The following ZSCAN26 variants were observed in gnomAD, a reference collection of about 807,000 sequenced individuals.
ZSCAN26 encodes zinc finger and SCAN domain-containing protein 26.
ZSCAN26 carries 26 observed loss-of-function variants against 23.0 expected under a neutral mutation model. The observed-to-expected ratio is 1.13, with a 90% confidence interval of 0.83 to 1.57. The LOEUF is 1.57. Among genes scored for constraint, ZSCAN26 ranks in the 40% most tolerant of loss-of-function variants. ZSCAN26 has a pLI of 0.00. For missense variants in ZSCAN26, 528 were observed against 568.5 expected (o/e 0.93, Z 0.72); for synonymous variants, 180 against 202.5 (o/e 0.89, Z 0.94).
chr6:28,274,064 C>T (rs1437230837), intron 3 of ZSCAN26, among the ~76,000 whole-genome samples: 1 of 151,200 alleles, frequency 6.6e-6, no homozygotes, highest in Non-Finnish European at 1.5e-5. Flanking sequence ...CTAATTTTTG[C>T]TCCTTACATT....
At position 28,273,551 on chromosome 6, in the gene ZSCAN26, C is replaced by CA. The variant is rs1220702464; in HGVS notation, c.538+767dup. ...GCAAGACTCTGTCTCAAAAAACAAA[C>CA]AAACAAAAAAAAAAACAAGTACTGC... On this transcript the variant is annotated intron_variant, in intron 3 of 3. Transcript: ENST00000421553. Among the ~76,000 whole-genome samples the CA allele has an allele frequency of 7.2e-3, 994 of 138,366 alleles. 8 individuals carry two copies. The highest frequency in any genetic ancestry group is 0.024 in the African/African-American group (853 of 35,074). The allele number at this position is 138,366 out of a possible 152,430, so 90.8% of individuals were successfully genotyped here. A position where few individuals can be genotyped will look rare whatever the true frequency, so the allele number is the denominator to read the frequency against.
chr6:28,271,766 A>G, intron 1 of ZSCAN26, 88 bp from the exon 2 acceptor site: 1 of 682,888 alleles, frequency 1.5e-6, no homozygotes. Flanking sequence ...AAAATGGATA[A>G]TAGGAAATGT....
rs1762017097 is a variant in ZSCAN26, at chr6:28,277,916, G to A, written c.*820G>A. 6.6e-6 allele frequency: 1 copy of A among 152,218 alleles called. No homozygotes were observed. Among genetic ancestry groups the A allele is most frequent in the African/African-American group, 2.4e-5 (1 of 41,444 alleles). 9.4% of individuals were successfully genotyped at this position (152,218 alleles called of 1,614,324 possible). A position where few individuals can be genotyped will look rare whatever the true frequency, so the allele number is the denominator to read the frequency against. ...AGACACTATTCAGTAAATGTCTGAT[G>A]AAAGAAATTGGACTTTTTCCCTTTA... On this transcript the variant is annotated 3_prime_UTR_variant, in exon 4 of 4. Transcript: ENST00000421553.
At chr6:28,269,811 T>G (rs1005947966) in intron 1 of ZSCAN26, among the ~76,000 whole-genome samples, 2 of 152,196 alleles carry the variant, frequency 1.3e-5, no homozygotes, top group African/African-American at 4.8e-5. Flanking sequence ...AATTTAAATG[T>G]TAATCTCATT....
In ZSCAN26 at chr6:28,276,733, A is replaced by T; in HGVS notation, c.1077A>T (p.Arg359Ser). The stretch of plus-strand genomic sequence containing the variant: ...GCTCTCACCTTAATCGACATCAGAG[A>T]ATTCACAGTCAGGAGGAGCCCTGTG... ...RRSSHLNRHQ[R>S]IHSQEEPCEC... The change falls in exon 4 of 4, where the codon AGA becomes AGT. Residue 359 changes from arginine (R) to serine (S), a missense_variant. Coordinates refer to ENST00000421553, the MANE Select transcript of ZSCAN26 (RefSeq NM_001023560.4). 2 of 1,613,802 alleles carry T rather than the reference A, an allele frequency of 1.2e-6. No individual in the cohort carries two copies. Among genetic ancestry groups the T allele is most frequent in the Non-Finnish European group, 1.7e-6 (2 of 1,179,794 alleles).
At position 28,276,557 on chromosome 6, in the gene ZSCAN26, C is replaced by A; in HGVS notation, c.901C>A (p.His301Asn). Reference sequence around the variant, plus strand: ...TCAGAGGAGTTCACACCTCGTCAGACATCAGAAAATCCATCTTGGTGAGAA... The same window carrying A: ...TCAGAGGAGTTCACACCTCGTCAGAAATCAGAAAATCCATCTTGGTGAGAA... Reference protein sequence around the residue: ...AFQRSSHLVRHQKIHLGEKPY... With the variant: ...AFQRSSHLVRNQKIHLGEKPY... Residue 301 changes from histidine (H) to asparagine (N), a missense_variant, in exon 4 of 4, where the codon CAT becomes AAT. His to Asn is a moderately conservative substitution (Grantham distance 68). Transcript: ENST00000421553. 6.2e-7 allele frequency: 1 copy of A among 1,613,526 alleles called. No homozygotes were observed. Among genetic ancestry groups the A allele is most frequent in the Non-Finnish European group, 8.5e-7 (1 of 1,179,644 alleles).
chr6:28,272,717 C>T lies in ZSCAN26; in HGVS notation c.468C>T (p.Ala156=). 1 of 1,613,160 alleles carries T rather than the reference C, an allele frequency of 6.2e-7. No homozygotes were observed. The highest frequency in any genetic ancestry group is 8.5e-7 in the Non-Finnish European group (1 of 1,179,608). The stretch of plus-strand genomic sequence containing the variant: ...AAAAAATACTTGTGGAGGAGATGGC[C>T]CCTCTGAAAGGAGTACAGGAACAGC... The part of the protein sequence containing the change: ...KKQKILVEEM[A]PLKGVQEQQV... Residue 156 remains alanine, a synonymous_variant, in exon 3 of 4, where the codon GCC becomes GCT. Transcript: ENST00000421553.
chr6:28,276,152 C>T, intron 3 of ZSCAN26, 43 bp from the exon 4 acceptor site: 1 of 1,511,430 alleles, frequency 6.6e-7, no homozygotes, highest in South Asian at 1.3e-5. Flanking sequence ...TTTCCCCAAG[C>T]ATCAAAAGAC....
chr6:28,270,693 T>C (rs1436670571), intron 1 of ZSCAN26, among the ~76,000 whole-genome samples: 7 of 152,236 alleles, frequency 4.6e-5, no homozygotes. Flanking sequence ...CCTATCTTTC[T>C]TGTTCCATTC....
chr6:28,276,099 C>T, intron 3 of ZSCAN26, 96 bp from the exon 4 acceptor site: 3 of 1,135,724 alleles, frequency 2.6e-6, no homozygotes, highest in Admixed American at 2.7e-5. Context: ...ACTTTGCACA[C>T]ATGGCTTCAT....
chr6:28,273,294 A>G (rs1761788096), intron 3 of ZSCAN26, among the ~76,000 whole-genome samples: 1 of 152,104 alleles, frequency 6.6e-6, no homozygotes, highest in South Asian at 2.1e-4. Context: ...TGTAAACCCA[A>G]CACTTTGGGG....
In ZSCAN26 at chr6:28,271,484, G is replaced by A. The variant is rs189237313; in HGVS notation, c.-66-370G>A. 1.2e-3 allele frequency among the ~76,000 whole-genome samples: 184 copies of A among 151,580 alleles called. 1 individual carries two copies. The highest frequency in any genetic ancestry group is 1.2e-3 in the Non-Finnish European group (81 of 67,898). ...AGCAGTTCTCCCTCCTCAGCCTCCC[G>A]AGTAGCTTGGATTACAGGCATGTGC... On this transcript the variant is annotated intron_variant, in intron 1 of 3. Coordinates refer to ENST00000421553, the MANE Select transcript of ZSCAN26 (RefSeq NM_001023560.4).
In ZSCAN26 at chr6:28,277,158, G is replaced by A. The variant is rs1238597816; in HGVS notation, c.*62G>A. The A allele has an allele frequency of 1.2e-5, 18 of 1,528,658 alleles. No homozygotes were observed. Among genetic ancestry groups the A allele is most frequent in the Non-Finnish European group, 1.6e-5 (18 of 1,139,716 alleles). The allele number at this position is 1,528,658 out of a possible 1,614,324, so 94.7% of individuals were successfully genotyped here. ...ACATTGACTAGCAAACAGCACTTTA[G>A]GAAAAGTCACCGTAGCCCACTGTGG... On this transcript the variant is annotated 3_prime_UTR_variant, in exon 4 of 4. Coordinates refer to ENST00000421553, the MANE Select transcript of ZSCAN26 (RefSeq NM_001023560.4).
intron 3 of ZSCAN26, among the ~76,000 whole-genome samples, chr6:28,273,543 A>AAAAC (rs936926016): frequency 1.4e-5 from 2 of 144,322 alleles, no homozygotes; most frequent in African/African-American, 5.5e-5. Flanking sequence ...TCTGTCTCAA[A>AAAAC]AAACAAACAA....
At chr6:28,271,569 T>C (rs528655759) in intron 1 of ZSCAN26, among the ~76,000 whole-genome samples, 1 of 152,220 alleles carries the variant, frequency 6.6e-6, no homozygotes, top group Non-Finnish European at 1.5e-5. Flanking sequence ...GCTTAAGCAG[T>C]CTTCCCACCT....
intron 3 of ZSCAN26, among the ~76,000 whole-genome samples, chr6:28,273,525 A>G (rs1761802508): frequency 6.6e-6 from 1 of 151,710 alleles, no homozygotes; most frequent in South Asian, 2.1e-4. Flanking sequence ...TGGGCGACAC[A>G]GCAAGACTCT....
intron 1 of ZSCAN26, among the ~76,000 whole-genome samples, chr6:28,268,767 A>C (rs1163976913): frequency 6.6e-6 from 1 of 152,184 alleles, no homozygotes; most frequent in Non-Finnish European, 1.5e-5. Context: ...TTTATTATAT[A>C]TTGTGTTTGA....
intron 1 of ZSCAN26, among the ~76,000 whole-genome samples, chr6:28,270,957 A>G (rs74598819): frequency 0.014 from 2,099 of 152,270 alleles, 17 homozygotes; most frequent in Non-Finnish European, 0.022. Flanking sequence ...GAATTATCTC[A>G]TTTACCTCAA....
Position 28,270,069 on chromosome 6 carries a change from G to A in ZSCAN26, c.-66-1785G>A, listed in dbSNP as rs1353866711. ...AGTGATTCTCCTGCCTTAGCCTCCCGAGTAGCTAGGACTACAGGCGTGTGC... is the reference window on the plus strand; with the variant it reads ...AGTGATTCTCCTGCCTTAGCCTCCCAAGTAGCTAGGACTACAGGCGTGTGC... On this transcript the variant is annotated intron_variant, in intron 1 of 3. Transcript: ENST00000421553. Among the ~76,000 whole-genome samples, 6 of 152,022 alleles carry A rather than the reference G, an allele frequency of 3.9e-5. No individual in the cohort carries two copies. The East Asian group carries it at 5.8e-4, about 15-fold the overall frequency.
Sources: gnomAD v4.1 joint callset for allele counts (sites outside exome capture counted in the v4.1 genomes callset) on GRCh38, gnomAD v4.1.1 for gene constraint, MANE v1.5 for transcripts, NCBI Gene and HGNC (gene_info 2026-07-23, HGNC 2026-07-21) for gene names.